Variants in ARMC2 observed in about 807,000 individuals in gnomAD.
The protein encoded by ARMC2 is armadillo repeat-containing protein 2.
ARMC2 carries 67 observed loss-of-function variants against 90.3 expected under a neutral mutation model. The ratio of observed to expected loss-of-function variants is 0.74; its 90% CI spans 0.61 to 0.91. ARMC2 has a LOEUF of 0.91. Among genes scored for constraint, ARMC2 ranks in the 40% least tolerant of loss-of-function variants. The pLI is 0.00. For missense variants in ARMC2, 920 were observed against 1,030.9 expected (o/e 0.89, Z 1.47); for synonymous variants, 393 against 393.0 (o/e 1.00, Z 0.00).
chr6:109,032,258 G>A, the ARMC2 span, among the ~76,000 whole-genome samples: 1 of 151,520 alleles, frequency 6.6e-6, no homozygotes, highest in East Asian at 2.0e-4. Context: ...GGCAACAAGA[G>A]CGAAACTCTG....
At chr6:108,859,507 GT>G (rs1774995328) in intron 3 of ARMC2, among the ~76,000 whole-genome samples, 1 of 152,002 alleles carries the variant, frequency 6.6e-6, no homozygotes, top group African/African-American at 2.4e-5. Flanking sequence ...GTTTCTCTTT[GT>G]TTCTAGTGTT....
intron 5 of ARMC2, among the ~76,000 whole-genome samples, chr6:108,881,236 CTCTT>C (rs777487512): frequency 2.9e-5 from 4 of 140,156 alleles, no homozygotes; most frequent in Non-Finnish European, 4.7e-5. Flanking sequence ...TTCTGTCTTT[CTCTT>C]TCTTTTTCTT....
chr6:108,876,366 A>T lies in ARMC2; in HGVS notation c.671+16A>T. On this transcript the variant is annotated intron_variant, in intron 5 of 17. Coordinates refer to ENST00000392644, the MANE Select transcript of ARMC2 (RefSeq NM_032131.6). Reference sequence around the variant, plus strand: ...AGAATGGAGGGTCAGTATTCTTTTTATTTAATTTTCTGGTCAGGATAATGG... The same window carrying T: ...AGAATGGAGGGTCAGTATTCTTTTTTTTTAATTTTCTGGTCAGGATAATGG... 1 of 1,600,454 alleles carries T rather than the reference A, an allele frequency of 6.2e-7. No homozygotes were observed. The highest frequency in any genetic ancestry group is 8.5e-7 in the Non-Finnish European group (1 of 1,171,562).
At chr6:109,049,793 G>C in the ARMC2 span, among the ~76,000 whole-genome samples, 2 of 151,098 alleles carry the variant, frequency 1.3e-5, no homozygotes, top group East Asian at 3.9e-4. Flanking sequence ...TAATAGCATA[G>C]AACTGAAAGG....
chr6:108,890,795 T>C (rs1770938866), intron 5 of ARMC2, among the ~76,000 whole-genome samples: 1 of 152,210 alleles, frequency 6.6e-6, no homozygotes. Context: ...AGTTCTGGGA[T>C]GCATGTGCAG....
At chr6:108,958,247 G>C (rs1165855028) in intron 13 of ARMC2, among the ~76,000 whole-genome samples, 1 of 152,132 alleles carries the variant, frequency 6.6e-6, no homozygotes, top group Non-Finnish European at 1.5e-5. Flanking sequence ...GTAACTGTGA[G>C]AAAATAAATT....
intron 11 of ARMC2, 83 bp downstream of exon 11, chr6:108,928,316 C>A: frequency 7.6e-7 from 1 of 1,309,908 alleles, no homozygotes; most frequent in Non-Finnish European, 1.0e-6. Context: ...GCTTGTGTGA[C>A]TGGCAAGGAA....
chr6:108,853,055 G>A (rs1019191657), intron 1 of ARMC2, among the ~76,000 whole-genome samples: 4 of 152,110 alleles, frequency 2.6e-5, no homozygotes, highest in Non-Finnish European at 4.4e-5. Context: ...ATTAATGAAT[G>A]TAATTGTAGA....
chr6:108,990,563 CTA>C, the ARMC2 span: 1 of 1,218,534 alleles, frequency 8.2e-7, no homozygotes, highest in African/African-American at 1.5e-5. Context: ...ATGTGTGTGT[CTA>C]TGTGCATGTG....
the ARMC2 span, among the ~76,000 whole-genome samples, chr6:108,980,900 C>G: frequency 6.6e-6 from 1 of 152,136 alleles, no homozygotes; most frequent in East Asian, 1.9e-4. Flanking sequence ...AAAAACAAAA[C>G]AAAACAAAAA....
At chr6:109,002,386 C>T in the ARMC2 span, 5 of 1,493,308 alleles carry the variant, frequency 3.3e-6, no homozygotes, top group Admixed American at 1.7e-5. Flanking sequence ...TGGCAGTAAA[C>T]AAAATGAACT....
chr6:108,906,110 G>C, intron 8 of ARMC2, among the ~76,000 whole-genome samples: 1 of 152,192 alleles, frequency 6.6e-6, no homozygotes, highest in East Asian at 1.9e-4. Flanking sequence ...ACTGGCAAAT[G>C]AAAGTTTTCC....
At chr6:109,013,547 A>G in the ARMC2 span, among the ~76,000 whole-genome samples, 1 of 152,222 alleles carries the variant, frequency 6.6e-6, no homozygotes, top group Admixed American at 6.5e-5. Context: ...GAATAGATAT[A>G]TTTTAGTAGA....
downstream of ARMC2, among the ~76,000 whole-genome samples, chr6:108,974,934 G>T (rs1778954238): frequency 6.6e-6 from 1 of 151,916 alleles, no homozygotes; most frequent in Admixed American, 6.6e-5. Flanking sequence ...AATTAGTCTG[G>T]CATGGTTGCA....
chr6:109,011,336 C>G, the ARMC2 span, among the ~76,000 whole-genome samples: 1 of 152,056 alleles, frequency 6.6e-6, no homozygotes, highest in Admixed American at 6.6e-5. Context: ...ATTCCTTTTT[C>G]CCCCAGATAG....
At chr6:108,889,955 G>A (rs1156325844) in intron 5 of ARMC2, among the ~76,000 whole-genome samples, 2 of 150,786 alleles carry the variant, frequency 1.3e-5, no homozygotes, top group Non-Finnish European at 3.0e-5. Flanking sequence ...TTGGGAGGCC[G>A]AGGCGGGCGG....
At chr6:108,996,394 C>G in the ARMC2 span, among the ~76,000 whole-genome samples, 1 of 151,962 alleles carries the variant, frequency 6.6e-6, no homozygotes, top group African/African-American at 2.4e-5. Context: ...GAGTCAGTAA[C>G]CAAATAAAAA....
the ARMC2 span, chr6:109,000,718 A>G: frequency 7.2e-7 from 1 of 1,396,302 alleles, no homozygotes; most frequent in Admixed American, 2.4e-5. Context: ...TAAAACCTTG[A>G]ACTACATATC....
At chr6:108,901,417 A>AT (rs55855100) in intron 7 of ARMC2, among the ~76,000 whole-genome samples, 113,446 of 145,254 alleles carry the variant, frequency 0.78, 44,251 homozygotes, top group South Asian at 0.85. Flanking sequence ...ACCTGGCCTA[A>AT]TTTTTTTTTT....
Sources: gnomAD v4.1 joint callset for allele counts (sites outside exome capture counted in the v4.1 genomes callset) on GRCh38, gnomAD v4.1.1 for gene constraint, MANE v1.5 for transcripts, NCBI Gene and HGNC (gene_info 2026-07-23, HGNC 2026-07-21) for gene names.